The following PLXDC1 variants were observed in gnomAD, a reference collection of about 807,000 sequenced individuals.
PLXDC1 encodes the protein plexin domain containing 1, also known as plexin domain-containing protein 1.
Under a neutral mutation model 61.3 loss-of-function variants are expected in PLXDC1, and 39 were observed. The ratio of observed to expected loss-of-function variants is 0.64; its 90% CI spans 0.49 to 0.83. PLXDC1 has a LOEUF of 0.83. Ranked by LOEUF, PLXDC1 falls within the 40% of genes least tolerant of loss-of-function variation. The pLI is 0.00. For missense variants in PLXDC1, 596 were observed against 666.5 expected (o/e 0.89, Z 1.17); for synonymous variants, 212 against 254.5 (o/e 0.83, Z 1.59).
chr17:39,096,079 T>A (rs1451380089), intron 7 of PLXDC1, among the ~76,000 whole-genome samples: 1 of 152,084 alleles, frequency 6.6e-6, no homozygotes, highest in Non-Finnish European at 1.5e-5. Flanking sequence ...AGATGACAGG[T>A]CGATCCACAA....
chr17:39,083,619 ATT>A (rs1909641627), intron 8 of PLXDC1, 79 bp from the exon 9 acceptor site: 1 of 1,081,896 alleles, frequency 9.2e-7, no homozygotes, highest in Admixed American at 2.0e-5. Flanking sequence ...AATTCCTGGT[ATT>A]TACAGAACTA....
At chr17:39,083,578 C>A in intron 8 of PLXDC1, 38 bp from the exon 9 acceptor site, 14 of 1,512,008 alleles carry the variant, frequency 9.3e-6, no homozygotes, top group Non-Finnish European at 1.3e-5. Flanking sequence ...AGCACCGAGC[C>A]TCTCCTTGGG....
At chr17:39,137,868 G>A (rs960294997) in intron 2 of PLXDC1, among the ~76,000 whole-genome samples, 2 of 152,016 alleles carry the variant, frequency 1.3e-5, no homozygotes, top group East Asian at 1.9e-4. Context: ...GGATTGGAGT[G>A]CAGGACAGGA....
At chr17:39,152,823 A>G (rs971428751), upstream of PLXDC1, 9 of 590,308 alleles carry the variant, frequency 1.5e-5, no homozygotes, top group Admixed American at 2.2e-4. Context: ...AAAGGAAACA[A>G]CTAAAGGCTC....
At chr17:39,126,633 C>G (rs1030285567) in intron 2 of PLXDC1, among the ~76,000 whole-genome samples, 17 of 152,124 alleles carry the variant, frequency 1.1e-4, no homozygotes, top group African/African-American at 3.9e-4. Context: ...GCTCAGGGAA[C>G]AAGGCGGGAA....
chr17:39,095,839 AT>A (rs1910173077), intron 7 of PLXDC1, among the ~76,000 whole-genome samples: 1 of 151,964 alleles, frequency 6.6e-6, no homozygotes, highest in Non-Finnish European at 1.5e-5. Flanking sequence ...TGATTTCTGT[AT>A]TTTTAGTACA....
chr17:39,105,770 A>T, intron 7 of PLXDC1, 84 bp downstream of exon 7: 1 of 806,454 alleles, frequency 1.2e-6, no homozygotes, highest in Non-Finnish European at 2.0e-6. Context: ...ACTCCCTGCC[A>T]CTGCCATCCC....
Position 39,108,644 on chromosome 17 carries a change from C to T in PLXDC1, c.469+260G>A, listed in dbSNP as rs73983207. The T allele has an allele frequency of 1.7e-3, 908 of 540,376 alleles. 7 individuals carry two copies. Among genetic ancestry groups the T allele is most frequent in the African/African-American group, 0.015 (784 of 52,856 alleles). The allele number at this position is 540,376 out of a possible 1,614,324, so 33.5% of individuals were successfully genotyped here. A position where few individuals can be genotyped will look rare whatever the true frequency, so the allele number is the denominator to read the frequency against. ...CCCTCTCCCTCTTATTCAGCAACTC[C>T]GGGACACAGGGCTGTCCACACTGAC... On this transcript the variant is annotated intron_variant, in intron 4 of 13. Transcript: ENST00000315392.
At chr17:39,108,994 T>C (rs1910698190) in intron 3 of PLXDC1, 21 bp from the exon 4 acceptor site, 1 of 1,589,506 alleles carries the variant, frequency 6.3e-7, no homozygotes, top group East Asian at 2.2e-5. Flanking sequence ...TGGGAGAAAG[T>C]CAGCACGGGC....
intron 1 of PLXDC1, among the ~76,000 whole-genome samples, chr17:39,143,299 A>G (rs1911994037): frequency 6.6e-6 from 1 of 152,222 alleles, no homozygotes; most frequent in East Asian, 1.9e-4. Flanking sequence ...TTCCCCACCT[A>G]TGACCCTCTT....
intron 7 of PLXDC1, among the ~76,000 whole-genome samples, chr17:39,094,392 A>G (rs567583172): frequency 6.6e-6 from 1 of 152,226 alleles, no homozygotes; most frequent in Admixed American, 6.5e-5. Flanking sequence ...CTAGAGTCCA[A>G]TGTCAACCTT....
chr17:39,128,097 G>GTGTATATATA (rs1911379292), intron 2 of PLXDC1, among the ~76,000 whole-genome samples: 3 of 67,478 alleles, frequency 4.4e-5, no homozygotes, highest in East Asian at 5.1e-4. Flanking sequence ...CTCTCTATGT[G>GTGTATATATA]TATATATATA....
At chr17:39,150,585 T>G (rs1405473751) in intron 1 of PLXDC1, among the ~76,000 whole-genome samples, 1 of 152,088 alleles carries the variant, frequency 6.6e-6, no homozygotes, top group East Asian at 1.9e-4. Context: ...TCCAGGTAGA[T>G]CTCAGAAAGG....
At chr17:39,122,186 T>C (rs1911184745) in intron 2 of PLXDC1, among the ~76,000 whole-genome samples, 1 of 150,330 alleles carries the variant, frequency 6.7e-6, no homozygotes, top group South Asian at 2.1e-4. Flanking sequence ...GCGGATCACT[T>C]GAAGTCAGGA....
At chr17:39,149,136 T>A (rs1272297099) in intron 1 of PLXDC1, among the ~76,000 whole-genome samples, 1 of 152,084 alleles carries the variant, frequency 6.6e-6, no homozygotes, top group Non-Finnish European at 1.5e-5. Context: ...GCCACTCATC[T>A]CTCTGCTGCT....
intron 7 of PLXDC1, among the ~76,000 whole-genome samples, chr17:39,105,161 C>T (rs955436802): frequency 6.6e-6 from 1 of 152,180 alleles, no homozygotes; most frequent in African/African-American, 2.4e-5. Flanking sequence ...CTTGTGCATA[C>T]GGCTCAGCAG....
chr17:39,128,107 A>ATATATATATATATATATATG (rs1291982693), intron 2 of PLXDC1, among the ~76,000 whole-genome samples: 2 of 100,626 alleles, frequency 2.0e-5, no homozygotes, highest in African/African-American at 4.3e-5. Flanking sequence ...GTATATATAT[A>ATATATATATATATATATATG]TATATATGTA....
At chr17:39,105,664 G>A (rs1910565525) in intron 7 of PLXDC1, among the ~76,000 whole-genome samples, 190 bp downstream of exon 7, 1 of 152,152 alleles carries the variant, frequency 6.6e-6, no homozygotes, top group African/African-American at 2.4e-5. Context: ...AGATTTTGCT[G>A]GAGAAAATGG....
At chr17:39,095,354 A>C (rs1910117236) in intron 7 of PLXDC1, among the ~76,000 whole-genome samples, 1 of 124,844 alleles carries the variant, frequency 8.0e-6, no homozygotes, top group East Asian at 2.5e-4. Context: ...TAATAAAAGA[A>C]TCCTTACGCC....
Sources: gnomAD v4.1 joint callset for allele counts (sites outside exome capture counted in the v4.1 genomes callset) on GRCh38, gnomAD v4.1.1 for gene constraint, MANE v1.5 for transcripts, NCBI Gene and HGNC (gene_info 2026-07-23, HGNC 2026-07-21) for gene names.